PHLDB1: variants seen among roughly 807,000 people sequenced by gnomAD.
PHLDB1 encodes pleckstrin homology-like domain family B member 1.
PHLDB1 carries 65 observed loss-of-function variants against 139.3 expected under a neutral mutation model. That is an observed-to-expected ratio of 0.47 (90% confidence interval 0.38 to 0.57). The LOEUF is 0.57. Ranked by LOEUF, PHLDB1 falls within the 20% of genes least tolerant of loss-of-function variation. The pLI is 0.00. For missense variants in PHLDB1, 1,624 were observed against 1,839.7 expected (o/e 0.88, Z 2.14); for synonymous variants, 679 against 734.5 (o/e 0.92, Z 1.22).
chr11:118,624,898 C>T, intron 4 of PHLDB1, 36 bp from the exon 5 acceptor site: 3 of 1,609,224 alleles, frequency 1.9e-6, no homozygotes, highest in East Asian at 2.2e-5. Flanking sequence ...GTGTGAGCCA[C>T]CACACCTGGT....
At position 118,645,828 on chromosome 11, in the gene PHLDB1, G is replaced by A. The variant is rs782802877; in HGVS notation, c.3507+3G>A. The A allele has an allele frequency of 1.3e-6, 2 of 1,596,766 alleles. No individual in the cohort carries two copies. Among genetic ancestry groups the A allele is most frequent in the South Asian group, 2.2e-5 (2 of 90,740 alleles). The stretch of plus-strand genomic sequence containing the variant: ...AGAACCGGCTCATGGAGTCGAGGGT[G>A]AGTCTGACCTGGATCGGGGAGGCAG... On this transcript the variant is annotated splice_donor_region_variant and intron_variant, in intron 17 of 22. Transcript: ENST00000600882. The surrounding 1 kb of genome is among the most constrained non-coding windows in gnomAD (Gnocchi z 5.1).
Position 118,650,575 on chromosome 11 carries a change from G to T in PHLDB1, c.3874+28G>T. 6.7e-7 allele frequency: 1 copy of T among 1,489,078 alleles called. No individual in the cohort carries two copies. The highest frequency in any genetic ancestry group is 9.4e-7 in the Non-Finnish European group (1 of 1,066,076). 92.2% of individuals were successfully genotyped at this position (1,489,078 alleles called of 1,614,324 possible). The stretch of plus-strand genomic sequence containing the variant: ...GAGTTCCCACAAGGCCACCCTGGGG[G>T]CCAGCCAGGATCCCTGGGCTCTGTT... On this transcript the variant is annotated intron_variant, in intron 20 of 22. Transcript: ENST00000600882. The surrounding 1 kb of genome is among the most constrained non-coding windows in gnomAD (Gnocchi z 4.7).
intron 18 of PHLDB1, 105 bp from the exon 19 acceptor site, chr11:118,649,972 G>A (rs1028620695): frequency 1.2e-5 from 10 of 814,660 alleles, no homozygotes; most frequent in African/African-American, 1.2e-4. Flanking sequence ...GGTTAGGGAG[G>A]TGTGATGTCA....
rs782422837 is a variant in PHLDB1 at position 118,624,952 on chromosome 11, G to A, written c.374G>A (p.Gly125Asp). ...TCTGCAGGCTGCATGTTGTGCCTGG[G>A]TCAGTCCACCTTCCTTCGCTTTAAC... ...RLTQGCMLCL[G>D]QSTFLRFNHP... Residue 125 changes from glycine to aspartate, a missense_variant, in exon 5 of 23, where the codon GGT becomes GAT. Transcript: ENST00000600882. The A allele has an allele frequency of 3.7e-6, 6 of 1,613,930 alleles. No individual in the cohort carries two copies. In the African/African-American group the frequency reaches 5.3e-5, roughly 14 times the overall value.
Position 118,650,463 on chromosome 11 carries a change from G to A in PHLDB1, c.3790G>A (p.Val1264Ile). The A allele has an allele frequency of 6.2e-7, 1 of 1,613,998 alleles. No homozygotes were observed. Among genetic ancestry groups the A allele is most frequent in the Non-Finnish European group, 8.5e-7 (1 of 1,179,852 alleles). Residue 1264 changes from valine to isoleucine, a missense_variant, in exon 20 of 23, where the codon GTC becomes ATC. Physicochemically the swap from Val to Ile is conservative, Grantham distance 29. Transcript: ENST00000600882. This position sits in a 1 kb window ranked among gnomAD's most constrained non-coding sequence, Gnocchi z 4.7. ...CTACCAGGTCTGCCGTGGCTACTTG[G>A]TCAAGATGGGCGGCAAGATTAAATC... ...LSSKVCRGYL[V>I]KMGGKIKSWK...
At chr11:118,641,709 G>C (rs1555120793) in intron 12 of PHLDB1, 4 of 1,289,724 alleles carry the variant, frequency 3.1e-6, no homozygotes, top group South Asian at 2.5e-5. Context: ...CCGCCTCCCG[G>C]GACCTGGTTC....
In PHLDB1 at chr11:118,627,475, G is replaced by A. The variant is rs1271724559; in HGVS notation, c.652G>A (p.Ala218Thr). The A allele has an allele frequency of 1.2e-5, 20 of 1,614,070 alleles. No homozygotes were observed. The highest frequency in any genetic ancestry group is 4.0e-5 in the African/African-American group (3 of 74,916). The stretch of plus-strand genomic sequence containing the variant: ...TGGAGCTGCTGGCAAGAAGCCTGCC[G>A]CAACCTCTCCACTGTCACCGATGGC... ...EPGAAGKKPA[A>T]TSPLSPMANG... Residue 218 changes from alanine to threonine, a missense_variant, in exon 6 of 23, where the codon GCA becomes ACA. Coordinates refer to ENST00000600882, the MANE Select transcript of PHLDB1 (RefSeq NM_001144758.3).
In PHLDB1 at chr11:118,635,540, A is replaced by G. The variant is rs370428332; in HGVS notation, c.2527A>G (p.Lys843Glu). 4 of 1,548,558 alleles carry G rather than the reference A, an allele frequency of 2.6e-6. No individual in the cohort carries two copies. Among genetic ancestry groups the G allele is most frequent in the Non-Finnish European group, 2.6e-6 (3 of 1,148,526 alleles). The change falls in exon 10 of 23, where the codon AAG becomes GAG. Residue 843 changes from lysine (K) to glutamate (E), a missense_variant. By Grantham distance (56) the Lys-to-Glu change is moderately conservative. Transcript: ENST00000600882. Reference protein sequence around the residue: ...SKAELLRSIAKRKERLAILDS... With the variant: ...SKAELLRSIAERKERLAILDS... ...GGCTGAGCTGCTCCGCAGCATCGCC[A>G]AGAGGAAGGTGTGCCCCACCTCGTT...
In PHLDB1 at chr11:118,631,963, A is replaced by G. The variant is rs782631415; in HGVS notation, c.2151A>G (p.Glu717=). Reference sequence around the variant, plus strand: ...TCCAGGGAGAGGTGCTAGCCCTGGAAGAAGAGCGGGCTCAGGTGCTGGGGC... The same window carrying G: ...TCCAGGGAGAGGTGCTAGCCCTGGAGGAAGAGCGGGCTCAGGTGCTGGGGC... The part of the protein sequence containing the change: ...TKLQGEVLAL[E]EERAQVLGHV... Residue 717 remains glutamate (E), a synonymous_variant, in exon 8 of 23, where the codon GAA becomes GAG. Transcript: ENST00000600882. The G allele has an allele frequency of 6.2e-7, 1 of 1,614,148 alleles. No homozygotes were observed. Among genetic ancestry groups the G allele is most frequent in the Non-Finnish European group, 8.5e-7 (1 of 1,179,994 alleles).
chr11:118,632,991 CTTTTTT>C lies in PHLDB1; in HGVS notation c.2379+705_2379+710del. 1 of 178,574 alleles carries C rather than the reference CTTTTTT, an allele frequency of 5.6e-6. No individual in the cohort carries two copies. Among genetic ancestry groups the C allele is most frequent in the Non-Finnish European group, 1.0e-5 (1 of 100,352 alleles). The allele number at this position is 178,574 out of a possible 1,614,324, so 11.1% of individuals were successfully genotyped here. A position where few individuals can be genotyped will look rare whatever the true frequency, so the allele number is the denominator to read the frequency against. On this transcript the variant is annotated intron_variant, in intron 9 of 22. Coordinates refer to ENST00000600882, the MANE Select transcript of PHLDB1 (RefSeq NM_001144758.3). This position sits in a 1 kb window ranked among gnomAD's most constrained non-coding sequence, Gnocchi z 5.9. Reference sequence around the variant, plus strand: ...TGAGAATCTTAAAAATTCTTTGACCCTTTTTTTTTTTTTTTGGAGCTTTGGCTCTGG... The same window carrying C: ...TGAGAATCTTAAAAATTCTTTGACCCTTTTTTTTTGGAGCTTTGGCTCTGG...
intron 4 of PHLDB1, among the ~76,000 whole-genome samples, chr11:118,623,384 C>T (rs776367429): frequency 1.4e-4 from 22 of 152,234 alleles, no homozygotes; most frequent in Non-Finnish European, 3.2e-4. Flanking sequence ...TACAGTTAGG[C>T]GCCTGTGGGC....
intron 12 of PHLDB1, 84 bp from the exon 13 acceptor site, chr11:118,642,170 C>G: frequency 7.9e-7 from 1 of 1,267,242 alleles, no homozygotes; most frequent in South Asian, 1.2e-5. Context: ...CCTTCTCCTG[C>G]CTTTTCCTTT....
At chr11:118,607,368 G>A (rs1431563263), upstream of PHLDB1, among the ~76,000 whole-genome samples, 6 of 81,140 alleles carry the variant, frequency 7.4e-5, no homozygotes, top group Admixed American at 2.1e-4. Context: ...TGGTGGTGGT[G>A]GTGGTGGTGG....
rs1555083980 is a variant in PHLDB1, at chr11:118,611,669, A to G, written c.-21-2147A>G. Among the ~76,000 whole-genome samples the G allele has an allele frequency of 6.6e-6, 1 of 152,100 alleles. No homozygotes were observed. Among genetic ancestry groups the G allele is most frequent in the East Asian group, 1.9e-4 (1 of 5,192 alleles). On this transcript the variant is annotated intron_variant, in intron 1 of 22. Coordinates refer to ENST00000600882, the MANE Select transcript of PHLDB1 (RefSeq NM_001144758.3). The surrounding 1 kb of genome is among the most constrained non-coding windows in gnomAD (Gnocchi z 4.7). ...TCGGGAGTTCGAGACCAGCCTGACC[A>G]ACATGGAGAAACCCCGTCTCTACTA...
At chr11:118,643,473 AG>A in intron 13 of PHLDB1, 1 of 980,598 alleles carries the variant, frequency 1.0e-6, no homozygotes, top group Non-Finnish European at 1.2e-6. Flanking sequence ...TGGCAGAGCT[AG>A]GACCAGAGGG....
chr11:118,614,178 C>G (rs1365674622), intron 2 of PHLDB1, among the ~76,000 whole-genome samples: 2 of 152,072 alleles, frequency 1.3e-5, no homozygotes, highest in African/African-American at 4.8e-5. Context: ...TTGAGCTTAG[C>G]AGGGGCAAGC....
intron 6 of PHLDB1, chr11:118,629,907 C>A: frequency 1.3e-6 from 1 of 746,634 alleles, no homozygotes; most frequent in Non-Finnish European, 1.9e-6. Flanking sequence ...CCTCACCTGC[C>A]ACTTTAAGTC....
intron 6 of PHLDB1, 105 bp from the exon 7 acceptor site, chr11:118,631,102 C>T: frequency 9.8e-7 from 1 of 1,023,880 alleles, no homozygotes; most frequent in Non-Finnish European, 1.3e-6. Flanking sequence ...TGTCCTAGCC[C>T]CCTGTAACCC....
chr11:118,624,285 A>T (rs1943415565), intron 4 of PHLDB1: 1 of 152,320 alleles, frequency 6.6e-6, no homozygotes, highest in Non-Finnish European at 1.5e-5. Context: ...CATTTTTCTG[A>T]TTAAGAGAAC....
Sources: allele counts gnomAD v4.1 joint callset (sites outside exome capture counted in the v4.1 genomes callset), GRCh38; gene constraint gnomAD v4.1.1; non-coding constraint Gnocchi (gnomAD v3.1); transcripts MANE v1.5; gene names NCBI Gene and HGNC (gene_info 2026-07-23, HGNC 2026-07-21).